Variants in STAG2 observed in about 807,000 individuals in gnomAD.
STAG2 encodes STAG2 cohesin complex component.
In STAG2, 14 loss-of-function variants were observed where a neutral mutation model predicts 108.1. The observed-to-expected ratio is 0.13, with a 90% confidence interval of 0.09 to 0.20. STAG2 has a LOEUF of 0.20. Ranked by LOEUF, STAG2 falls within the 10% of genes least tolerant of loss-of-function variation. STAG2 has a pLI of 1.00. For missense variants in STAG2, 440 were observed against 940.9 expected (o/e 0.47, Z 6.96); for synonymous variants, 307 against 302.7 (o/e 1.01, Z -0.15).
At chrX:124,092,760 T>C (rs2059284018) in intron 32 of STAG2, among the ~76,000 whole-genome samples, 1 of 112,265 alleles carries the variant, frequency 8.9e-6, no homozygotes, top group Non-Finnish European at 1.9e-5. Context: ...ATCACATATA[T>C]CTTCCTTGTA....
intron 9 of STAG2, among the ~76,000 whole-genome samples, chrX:124,047,795 C>T (rs1198023566): frequency 9.0e-6 from 1 of 111,502 alleles, no homozygotes; most frequent in East Asian, 2.8e-4. Context: ...CGGTGAAAAA[C>T]CTTTTGTCAG....
rs1224627491 is a variant in STAG2 at position 124,064,107 on chromosome X, A to G, written c.2025+56A>G. The G allele has an allele frequency of 5.6e-6, 5 of 888,737 alleles. No individual in the cohort carries two copies. In the Admixed American group the frequency reaches 1.4e-4, roughly 24 times the overall value. 73.2% of individuals were successfully genotyped at this position (888,737 alleles called of 1,213,427 possible). A position where few individuals can be genotyped will look rare whatever the true frequency, so the allele number is the denominator to read the frequency against. ...TCAGTTGAGCCCCTCTACTGCAGTA[A>G]GCTAATTAGTCACCCAAGTGTTAAG... On this transcript the variant is annotated intron_variant, in intron 20 of 34. Coordinates refer to ENST00000371145, the MANE Select transcript of STAG2 (RefSeq NM_001042750.2).
intron 1 of STAG2, among the ~76,000 whole-genome samples, chrX:123,995,236 G>A (rs1325936382): frequency 1.8e-5 from 2 of 111,595 alleles, no homozygotes; most frequent in African/African-American, 6.5e-5. Context: ...ACAAGATAAA[G>A]CCTTTATGGA....
At chrX:124,033,390 C>G (rs1471663492) in intron 5 of STAG2, among the ~76,000 whole-genome samples, 1 of 111,151 alleles carries the variant, frequency 9.0e-6, no homozygotes, top group Non-Finnish European at 1.9e-5. Flanking sequence ...ATATTTTGTT[C>G]TAAGTAGTTA....
In STAG2 at chrX:124,078,073, TA is replaced by T; in HGVS notation, c.2775+16del. On this transcript the variant is annotated intron_variant, in intron 27 of 34. Transcript: ENST00000371145. ...GTCTGCAACAGGTAAGCATTAAGAG[TA>T]CCAACTTTAGCTAACACAATTAACA... is the stretch of plus-strand genomic sequence containing the variant. 1 of 1,113,016 alleles carries T rather than the reference TA, an allele frequency of 9.0e-7. No homozygotes were observed. The highest frequency in any genetic ancestry group is 3.1e-5 in the East Asian group (1 of 32,570). The allele number at this position is 1,113,016 out of a possible 1,213,427, so 91.7% of individuals were successfully genotyped here.
intron 34 of STAG2, among the ~76,000 whole-genome samples, chrX:124,095,921 A>G (rs2059365043): frequency 9.1e-6 from 1 of 109,738 alleles, no homozygotes; most frequent in South Asian, 4.0e-4. Context: ...AGAGTCAGTT[A>G]CCACTCCCAC....
At chrX:123,975,062 C>T (rs1205984122) in intron 1 of STAG2, among the ~76,000 whole-genome samples, 1 of 111,518 alleles carries the variant, frequency 9.0e-6, no homozygotes, top group Non-Finnish European at 1.9e-5. Context: ...GTGTCTACTG[C>T]CTTGTACCTA....
intron 25 of STAG2, among the ~76,000 whole-genome samples, chrX:124,074,101 A>C (rs1184876121): frequency 8.9e-6 from 1 of 112,492 alleles, no homozygotes. Context: ...AAAATATGAA[A>C]TGAGATCTTG....
At chrX:124,057,660 G>C (rs1194720624) in intron 14 of STAG2, among the ~76,000 whole-genome samples, 2 of 111,612 alleles carry the variant, frequency 1.8e-5, no homozygotes, top group South Asian at 7.5e-4. Flanking sequence ...TAGTTTAAAA[G>C]GACTTAGAAT....
chrX:123,989,258 T>A (rs759481899), intron 1 of STAG2, among the ~76,000 whole-genome samples: 2 of 111,866 alleles, frequency 1.8e-5, no homozygotes, highest in East Asian at 5.6e-4. Context: ...TAGCAAAAAT[T>A]TAGTACAAAA....
chrX:124,048,673 G>T (rs901047726), intron 9 of STAG2, among the ~76,000 whole-genome samples: 3 of 111,257 alleles, frequency 2.7e-5, no homozygotes, highest in Admixed American at 1.9e-4. Context: ...CAAGTGATCC[G>T]TCTGTCTTGG....
intron 34 of STAG2, 170 bp downstream of exon 34, chrX:124,095,619 AAT>A (rs2059357908): frequency 4.6e-6 from 2 of 438,940 alleles, no homozygotes; most frequent in Non-Finnish European, 8.0e-6. Context: ...AGAGTGCTGC[AAT>A]AGTGTTGACA....
intron 13 of STAG2, among the ~76,000 whole-genome samples, chrX:124,053,743 TC>T (rs1468093354): frequency 9.0e-6 from 1 of 111,322 alleles, no homozygotes; most frequent in Non-Finnish European, 1.9e-5. Context: ...TATAAAAGGA[TC>T]AATGAATTAA....
chrX:124,088,702 C>A (rs1446991128), intron 30 of STAG2, among the ~76,000 whole-genome samples: 1 of 107,059 alleles, frequency 9.3e-6, no homozygotes, highest in Non-Finnish European at 1.9e-5. Flanking sequence ...GCAACCTCCC[C>A]CTCCCTTGTT....
At chrX:124,093,269 C>T (rs1159019842) in intron 32 of STAG2, among the ~76,000 whole-genome samples, 1 of 111,220 alleles carries the variant, frequency 9.0e-6, no homozygotes, top group Non-Finnish European at 1.9e-5. Flanking sequence ...ATAGGGCACA[C>T]GAATCTGAAG....
At position 124,057,862 on chromosome X, in the gene STAG2, A is replaced by T. The variant is rs1349914180; in HGVS notation, c.1305-4A>T. On this transcript the variant is annotated splice_region_variant and splice_polypyrimidine_tract_variant and intron_variant, in intron 14 of 34. Coordinates refer to ENST00000371145, the MANE Select transcript of STAG2 (RefSeq NM_001042750.2). ...GTAAAATAAATATTTTACTTTTTTC[A>T]CAGGCTCTTCAGTCGTAGAGATCCA... is the stretch of plus-strand genomic sequence containing the variant. 1.8e-6 allele frequency: 2 copies of T among 1,122,863 alleles called. No homozygotes were observed. Among genetic ancestry groups the T allele is most frequent in the South Asian group, 2.1e-5 (1 of 46,647 alleles). The allele number at this position is 1,122,863 out of a possible 1,213,427, so 92.5% of individuals were successfully genotyped here.
chrX:123,976,394 T>C (rs1426834806), intron 1 of STAG2, among the ~76,000 whole-genome samples: 11 of 112,367 alleles, frequency 9.8e-5, no homozygotes, highest in Admixed American at 2.8e-4. Flanking sequence ...TTGGCAAATA[T>C]CCAGATTTAT....
At chrX:124,072,624 A>G (rs1246233584) in intron 25 of STAG2, among the ~76,000 whole-genome samples, 1 of 110,628 alleles carries the variant, frequency 9.0e-6, no homozygotes, top group Non-Finnish European at 1.9e-5. Context: ...AAAAGATGAG[A>G]CAAGGTCTCA....
chrX:124,092,984 G>A (rs7882489), intron 32 of STAG2, among the ~76,000 whole-genome samples: 19,867 of 110,840 alleles, frequency 0.18, 1,409 homozygotes, highest in East Asian at 0.39. Context: ...AACCAGCATA[G>A]TATTGTGTAA....
Sources: allele counts gnomAD v4.1 joint callset (sites outside exome capture counted in the v4.1 genomes callset), GRCh38; gene constraint gnomAD v4.1.1; transcripts MANE v1.5; gene names NCBI Gene and HGNC (gene_info 2026-07-23, HGNC 2026-07-21).